Variants in ADAMTS12 observed in about 807,000 individuals in gnomAD.
The protein encoded by ADAMTS12 is ADAM metallopeptidase with thrombospondin type 1 motif 12, also known as A disintegrin and metalloproteinase with thrombospondin motifs 12.
In ADAMTS12, 118 loss-of-function variants were observed where a neutral mutation model predicts 167.8. The ratio of observed to expected loss-of-function variants is 0.70; its 90% CI spans 0.61 to 0.82. The LOEUF is 0.82. Ranked by LOEUF, ADAMTS12 falls within the 40% of genes least tolerant of loss-of-function variation. ADAMTS12 has a pLI of 0.00. For missense variants in ADAMTS12, 1,916 were observed against 1,998.8 expected, an observed-to-expected ratio of 0.96 and a Z score of 0.79; for synonymous variants, 704 against 716.9, an observed-to-expected ratio of 0.98 and a Z score of 0.29.
Position 33,643,370 on chromosome 5 carries a change from C to T in ADAMTS12, c.1572+8G>A, listed in dbSNP as rs566036614. 34 of 1,614,002 alleles carry T rather than the reference C, an allele frequency of 2.1e-5. No individual in the cohort carries two copies. The highest frequency in any genetic ancestry group is 9.3e-5 in the African/African-American group (7 of 75,054). On this transcript the variant is annotated splice_region_variant and intron_variant, in intron 10 of 23. Transcript: ENST00000504830. ...CCTCCCACCTCATTCCTCGGCCTGACGCATCACCTTCTTCTCACCACATTG... is the reference window on the plus strand; with the variant it reads ...CCTCCCACCTCATTCCTCGGCCTGATGCATCACCTTCTTCTCACCACATTG...
intron 2 of ADAMTS12, among the ~76,000 whole-genome samples, chr5:33,847,926 A>G (rs188813232): frequency 6.6e-6 from 1 of 152,250 alleles, no homozygotes; most frequent in East Asian, 1.9e-4. Flanking sequence ...ATAAAGAGTG[A>G]AACAATGGCC....
chr5:33,605,146 C>T (rs1561162281), intron 16 of ADAMTS12, among the ~76,000 whole-genome samples: 4 of 152,216 alleles, frequency 2.6e-5, no homozygotes, highest in African/African-American at 7.2e-5. Flanking sequence ...GAGAGTGTTA[C>T]CTTTCAGTCT....
chr5:33,869,573 G>GC (rs1554048926), intron 2 of ADAMTS12, among the ~76,000 whole-genome samples: 1 of 152,134 alleles, frequency 6.6e-6, no homozygotes, highest in East Asian at 1.9e-4. Flanking sequence ...GTTCTGTGAT[G>GC]CCCCCTGAGC....
At chr5:33,654,514 C>G (rs971817289) in intron 7 of ADAMTS12, among the ~76,000 whole-genome samples, 2 of 152,150 alleles carry the variant, frequency 1.3e-5, no homozygotes, top group Non-Finnish European at 2.9e-5. Flanking sequence ...AGGGATGGCT[C>G]CTTGTTACTG....
intron 16 of ADAMTS12, among the ~76,000 whole-genome samples, chr5:33,604,612 G>T (rs1033893097): frequency 6.9e-6 from 1 of 144,194 alleles, no homozygotes; most frequent in Non-Finnish European, 1.5e-5. Flanking sequence ...AGCAAGACAA[G>T]AATTCAATTT....
chr5:33,524,469 G>A lies in ADAMTS12; in HGVS notation c.*2719C>T, dbSNP rs538747707. 1 of 152,278 alleles carries A rather than the reference G, an allele frequency of 6.6e-6. No individual in the cohort carries two copies. Among genetic ancestry groups the A allele is most frequent in the Admixed American group, 6.5e-5 (1 of 15,290 alleles). The allele number at this position is 152,278 out of a possible 1,614,324, so 9.4% of individuals were successfully genotyped here. On this transcript the variant is annotated 3_prime_UTR_variant, in exon 24 of 24. Coordinates refer to ENST00000504830, the MANE Select transcript of ADAMTS12 (RefSeq NM_030955.4). ...TAGAGATATGTATCCAGTGTCTCCT[G>A]ATACACTTCTCAGTTGCTTGATCCA...
intron 5 of ADAMTS12, among the ~76,000 whole-genome samples, chr5:33,679,852 C>A: frequency 6.6e-6 from 1 of 152,180 alleles, no homozygotes; most frequent in East Asian, 1.9e-4. Context: ...GGACATGGAG[C>A]AATGATGTAA....
intron 2 of ADAMTS12, among the ~76,000 whole-genome samples, chr5:33,774,394 A>AT (rs1178263427): frequency 6.6e-6 from 1 of 151,926 alleles, no homozygotes; most frequent in African/African-American, 2.4e-5. Flanking sequence ...GAACTACACT[A>AT]TTTTTTTTCT....
chr5:33,697,845 A>G (rs1200742166), intron 3 of ADAMTS12, among the ~76,000 whole-genome samples: 1 of 152,268 alleles, frequency 6.6e-6, no homozygotes, highest in Non-Finnish European at 1.5e-5. Flanking sequence ...TGCTTCAGGA[A>G]TAAAGGTTCT....
At chr5:33,838,238 C>A (rs949530810) in intron 2 of ADAMTS12, among the ~76,000 whole-genome samples, 4 of 152,088 alleles carry the variant, frequency 2.6e-5, no homozygotes, top group African/African-American at 9.7e-5. Flanking sequence ...TAACAAGAAC[C>A]ACATCAGTTA....
intron 2 of ADAMTS12, among the ~76,000 whole-genome samples, chr5:33,770,820 CTCT>C (rs1455557823): frequency 1.3e-5 from 2 of 150,646 alleles, no homozygotes; most frequent in Non-Finnish European, 3.0e-5. Context: ...CTTCTCCTTC[CTCT>C]TCTTCTTCCT....
At chr5:33,633,866 CT>C (rs1241180963) in intron 12 of ADAMTS12, among the ~76,000 whole-genome samples, 1 of 152,076 alleles carries the variant, frequency 6.6e-6, no homozygotes, top group Non-Finnish European at 1.5e-5. Flanking sequence ...CTGACACATC[CT>C]TTTTTAGGGT....
intron 3 of ADAMTS12, 71 bp from the exon 4 acceptor site, chr5:33,684,126 A>G (rs1355534826): frequency 8.7e-7 from 1 of 1,154,780 alleles, no homozygotes; most frequent in African/African-American, 1.6e-5. Context: ...ATGTTAGTAA[A>G]GATGCAAGGC....
chr5:33,700,467 T>C (rs933526322), intron 3 of ADAMTS12, among the ~76,000 whole-genome samples: 11 of 152,322 alleles, frequency 7.2e-5, no homozygotes, highest in African/African-American at 2.6e-4. Context: ...ATAACATTTT[T>C]AAATGACAAA....
At chr5:33,619,994 A>G (rs7716438) in intron 14 of ADAMTS12, among the ~76,000 whole-genome samples, 2 of 152,176 alleles carry the variant, frequency 1.3e-5, no homozygotes, top group Admixed American at 6.5e-5. Context: ...CATCCGGCCA[A>G]TGACTTTGCT....
Position 33,826,896 on chromosome 5 carries a change from C to T in ADAMTS12, c.489+54223G>A, listed in dbSNP as rs1003363769. On this transcript the variant is annotated intron_variant, in intron 2 of 23. Transcript: ENST00000504830. ...ACCTCAGCTACATTGCCAGGCATTA[C>T]GGGGAGAATGGGCTTCTTAGTAAAA... 5.3e-5 allele frequency among the ~76,000 whole-genome samples: 8 copies of T among 152,136 alleles called. No homozygotes were observed. The South Asian group carries it at 6.2e-4, about 12-fold the overall frequency.
chr5:33,731,182 T>C (rs894904840), intron 3 of ADAMTS12, among the ~76,000 whole-genome samples: 1 of 148,878 alleles, frequency 6.7e-6, no homozygotes, highest in African/African-American at 2.4e-5. Context: ...TCTGCTTATC[T>C]TTCTTTTCTT....
intron 14 of ADAMTS12, among the ~76,000 whole-genome samples, chr5:33,616,573 GA>G (rs1167255404): frequency 3.9e-5 from 6 of 152,166 alleles, no homozygotes; most frequent in African/African-American, 1.4e-4. Flanking sequence ...GAAAATCCTG[GA>G]GGGAATCTCA....
chr5:33,562,022 G>C (rs185053484), intron 19 of ADAMTS12, among the ~76,000 whole-genome samples: 1 of 152,306 alleles, frequency 6.6e-6, no homozygotes, highest in Admixed American at 6.5e-5. Flanking sequence ...CTGCCCAAAG[G>C]GTTTTCTGTC....
Sources: allele counts gnomAD v4.1 joint callset (sites outside exome capture counted in the v4.1 genomes callset), GRCh38; gene constraint gnomAD v4.1.1; transcripts MANE v1.5; gene names NCBI Gene and HGNC (gene_info 2026-07-23, HGNC 2026-07-21).